CNIH3: variants seen among roughly 807,000 people sequenced by gnomAD.
CNIH3 encodes protein cornichon homolog 3.
CNIH3 carries 14 observed loss-of-function variants against 24.1 expected under a neutral mutation model. The observed-to-expected ratio is 0.58, with a 90% CI of 0.38 to 0.91. The LOEUF is 0.91. Ranked by LOEUF, CNIH3 falls within the 40% of genes least tolerant of loss-of-function variation. The pLI is 0.00. For synonymous variants in CNIH3, 68 were observed against 73.8 expected (o/e 0.92, Z 0.40); for missense variants, 178 against 196.8 (o/e 0.90, Z 0.57).
At chr1:224,691,880 A>G (rs4653404) in intron 3 of CNIH3, among the ~76,000 whole-genome samples, 62,458 of 152,162 alleles carry the variant, frequency 0.41, 15,074 homozygotes, top group Middle Eastern at 0.56. Context: ...CTACAAATTT[A>G]CAAATAGATG....
At chr1:224,660,379 A>AATT (rs1164612681) in intron 1 of CNIH3, among the ~76,000 whole-genome samples, 2 of 152,314 alleles carry the variant, frequency 1.3e-5, no homozygotes, top group African/African-American at 4.8e-5. Flanking sequence ...AACACATGGG[A>AATT]ATTATTGGAG....
chr1:224,722,912 T>C (rs937957454), intron 3 of CNIH3, among the ~76,000 whole-genome samples: 10 of 152,306 alleles, frequency 6.6e-5, no homozygotes, highest in Middle Eastern at 3.4e-3. Context: ...TTCTTCCTCA[T>C]GGTGTTGTGC....
At chr1:224,676,245 G>A (rs1558282088) in intron 1 of CNIH3, among the ~76,000 whole-genome samples, 1 of 152,168 alleles carries the variant, frequency 6.6e-6, no homozygotes, top group Non-Finnish European at 1.5e-5. Context: ...AAGAAAGCAG[G>A]CTCAGAAGCC....
At chr1:224,509,671 C>A (rs1466563105) in intron 1 of CNIH3, among the ~76,000 whole-genome samples, 1 of 152,194 alleles carries the variant, frequency 6.6e-6, no homozygotes, top group African/African-American at 2.4e-5. Flanking sequence ...TGAGATCCTC[C>A]ACAGCTCCCT....
chr1:224,485,013 T>C (rs1377341314), intron 1 of CNIH3, among the ~76,000 whole-genome samples: 1 of 152,234 alleles, frequency 6.6e-6, no homozygotes, highest in Non-Finnish European at 1.5e-5. Context: ...TCTTGGTATC[T>C]ATCTTTGATT....
chr1:224,463,414 CT>C (rs35920703), intron 1 of CNIH3, among the ~76,000 whole-genome samples: 87 of 147,218 alleles, frequency 5.9e-4, no homozygotes, highest in Middle Eastern at 3.5e-3. Context: ...GAATACAAGT[CT>C]TTTTTTTTTT....
At chr1:224,547,378 C>A (rs1287567676) in intron 3 of CNIH3, among the ~76,000 whole-genome samples, 1 of 151,730 alleles carries the variant, frequency 6.6e-6, no homozygotes, top group Non-Finnish European at 1.5e-5. Flanking sequence ...TGGCTATATA[C>A]CCTGTGATAT....
intron 3 of CNIH3, chr1:224,719,088 T>G (rs1321610821): frequency 6.6e-6 from 1 of 152,194 alleles, no homozygotes; most frequent in Non-Finnish European, 1.5e-5. Flanking sequence ...TGACACCTCA[T>G]AGTAGGCTCT....
At chr1:224,483,433 C>T (rs1035492498) in intron 1 of CNIH3, among the ~76,000 whole-genome samples, 7 of 150,904 alleles carry the variant, frequency 4.6e-5, no homozygotes, top group African/African-American at 7.3e-5. Flanking sequence ...CTGTTGTCCA[C>T]GCTGGAATGC....
At chr1:224,487,416 C>T (rs905219671) in intron 1 of CNIH3, among the ~76,000 whole-genome samples, 5 of 152,196 alleles carry the variant, frequency 3.3e-5, no homozygotes, top group African/African-American at 1.2e-4. Context: ...GTTCCTCTCT[C>T]TCTCACACAC....
chr1:224,688,673 C>T (rs1416746976), intron 3 of CNIH3, among the ~76,000 whole-genome samples: 1 of 152,050 alleles, frequency 6.6e-6, no homozygotes, highest in East Asian at 1.9e-4. Flanking sequence ...ATAGGCCAGG[C>T]GCGGTGGCTC....
intron 2 of CNIH3, among the ~76,000 whole-genome samples, chr1:224,543,161 G>A (rs142300980): frequency 5.9e-5 from 9 of 152,262 alleles, no homozygotes; most frequent in Non-Finnish European, 1.0e-4. Flanking sequence ...ATTGAAACAT[G>A]CCTGGGTAAC....
upstream of CNIH3, chr1:224,515,832 C>T (rs1057233828): frequency 6.6e-6 from 1 of 152,218 alleles, no homozygotes; most frequent in African/African-American, 2.4e-5. Flanking sequence ...CAGGATCACT[C>T]AAGACCCTGT....
At chr1:224,494,215 T>C (rs1677344322) in intron 1 of CNIH3, among the ~76,000 whole-genome samples, 1 of 152,232 alleles carries the variant, frequency 6.6e-6, no homozygotes, top group Non-Finnish European at 1.5e-5. Flanking sequence ...TAAAGGAACC[T>C]TGAAACATTA....
chr1:224,569,819 T>C (rs868235109), intron 4 of CNIH3, among the ~76,000 whole-genome samples: 10 of 152,254 alleles, frequency 6.6e-5, no homozygotes, highest in South Asian at 2.1e-4. Flanking sequence ...GAGTCTGCTC[T>C]GTTGCCCAGG....
chr1:224,563,894 A>T (rs538765299), intron 3 of CNIH3, among the ~76,000 whole-genome samples: 1 of 152,348 alleles, frequency 6.6e-6, no homozygotes, highest in Non-Finnish European at 1.5e-5. Flanking sequence ...TTTACCAGCC[A>T]TCTGGTCCCT....
chr1:224,697,816 A>G (rs1329724093), intron 3 of CNIH3, among the ~76,000 whole-genome samples: 1 of 152,068 alleles, frequency 6.6e-6, no homozygotes, highest in Non-Finnish European at 1.5e-5. Context: ...ATAACCTCTT[A>G]TTCTTGGTTG....
chr1:224,453,214 A>C (rs1305936281), intron 1 of CNIH3, among the ~76,000 whole-genome samples: 2 of 151,944 alleles, frequency 1.3e-5, no homozygotes, highest in South Asian at 2.1e-4. Context: ...TCTGTCATCC[A>C]GGCTGGAGTG....
chr1:224,507,747 C>T (rs945823847), intron 1 of CNIH3, among the ~76,000 whole-genome samples: 2 of 152,148 alleles, frequency 1.3e-5, no homozygotes, highest in African/African-American at 2.4e-5. Context: ...CTTACCAGTG[C>T]GGGAGGCCAA....
Sources: allele counts gnomAD v4.1 joint callset (sites outside exome capture counted in the v4.1 genomes callset), GRCh38; gene constraint gnomAD v4.1.1; transcripts MANE v1.5; gene names NCBI Gene and HGNC (gene_info 2026-07-23, HGNC 2026-07-21).